The following EPS15 variants were observed in gnomAD, a reference collection of about 807,000 sequenced individuals.
EPS15 encodes the protein epidermal growth factor receptor substrate 15.
EPS15 carries 72 observed loss-of-function variants against 113.8 expected under a neutral mutation model. The ratio of observed to expected loss-of-function variants is 0.63; its 90% CI spans 0.52 to 0.77. The LOEUF (loss-of-function observed/expected upper bound fraction) is 0.77. Ranked by LOEUF, EPS15 falls within the 30% of genes least tolerant of loss-of-function variation. The pLI, the probability that EPS15 is intolerant of heterozygous loss-of-function variation, is 0.00. For synonymous variants in EPS15, 344 were observed against 363.4 expected, an observed-to-expected ratio of 0.95 and a Z score of 0.61; for missense variants, 1,048 against 1,045.8, an observed-to-expected ratio of 1.00 and a Z score of -0.03.
chr1:51,364,129 A>G, intron 22 of EPS15, 101 bp from the exon 23 acceptor site: 1 of 912,690 alleles, frequency 1.1e-6, no homozygotes, highest in Non-Finnish European at 1.5e-6. Flanking sequence ...AGTTTTATTT[A>G]TTTTAATTCT....
intron 21 of EPS15, among the ~76,000 whole-genome samples, chr1:51,384,480 T>C (rs1369465708): frequency 6.6e-6 from 1 of 151,918 alleles, no homozygotes; most frequent in Non-Finnish European, 1.5e-5. Context: ...TTTGCATTTT[T>C]TTGTAGAGAC....
intron 1 of EPS15, among the ~76,000 whole-genome samples, chr1:51,515,950 G>GTAT (rs1001575161): frequency 6.6e-6 from 1 of 151,982 alleles, no homozygotes; most frequent in African/African-American, 2.4e-5. Context: ...GAAGTTAACA[G>GTAT]TATTATTATT....
intron 11 of EPS15, among the ~76,000 whole-genome samples, chr1:51,441,747 T>C (rs536965807): frequency 9.2e-5 from 14 of 152,136 alleles, no homozygotes; most frequent in Non-Finnish European, 1.9e-4. Context: ...AACCCCATCT[T>C]AGAACTGAAG....
At chr1:51,470,363 G>C (rs182848680) in intron 4 of EPS15, among the ~76,000 whole-genome samples, 199 of 152,124 alleles carry the variant, frequency 1.3e-3, no homozygotes, top group African/African-American at 4.5e-3. Flanking sequence ...TAAAAATCTG[G>C]GCCAGGCACG....
chr1:51,451,193 G>C (rs1379950605), intron 8 of EPS15, among the ~76,000 whole-genome samples: 3 of 151,854 alleles, frequency 2.0e-5, no homozygotes, highest in African/African-American at 7.3e-5. Flanking sequence ...TTTGCATTAA[G>C]AAATTCTAAG....
intron 13 of EPS15, among the ~76,000 whole-genome samples, chr1:51,420,306 A>C (rs776672171): frequency 6.6e-6 from 1 of 152,150 alleles, no homozygotes; most frequent in Non-Finnish European, 1.5e-5. Flanking sequence ...TGTAAATTTC[A>C]GCACTCTTCT....
chr1:51,366,496 C>T (rs1646510906), intron 21 of EPS15, among the ~76,000 whole-genome samples: 1 of 152,086 alleles, frequency 6.6e-6, no homozygotes, highest in Non-Finnish European at 1.5e-5. Flanking sequence ...GATAACCCCA[C>T]AAGATGTATT....
intron 2 of EPS15, among the ~76,000 whole-genome samples, chr1:51,479,906 G>T (rs542823501): frequency 6.6e-6 from 1 of 152,322 alleles, no homozygotes; most frequent in South Asian, 2.1e-4. Context: ...TCACTTACCA[G>T]CAGGCTAGGA....
chr1:51,363,556 T>A (rs1161508304), intron 23 of EPS15, among the ~76,000 whole-genome samples: 2 of 152,106 alleles, frequency 1.3e-5, no homozygotes, highest in Non-Finnish European at 2.9e-5. Context: ...TCAATGAGTT[T>A]CCAAAAGGCA....
At chr1:51,476,656 A>G (rs879624717) in intron 2 of EPS15, among the ~76,000 whole-genome samples, 22 of 151,894 alleles carry the variant, frequency 1.4e-4, no homozygotes, top group Non-Finnish European at 2.4e-4. Flanking sequence ...CAGCTCCTGG[A>G]TTCATTGATT....
chr1:51,456,561 T>C (rs746648455), intron 8 of EPS15, among the ~76,000 whole-genome samples: 2 of 152,204 alleles, frequency 1.3e-5, no homozygotes, highest in African/African-American at 2.4e-5. Flanking sequence ...GGACTGATCA[T>C]ATAAATAAGA....
chr1:51,380,616 G>A (rs553864273), intron 21 of EPS15, among the ~76,000 whole-genome samples: 21 of 152,154 alleles, frequency 1.4e-4, no homozygotes, highest in African/African-American at 4.6e-4. Flanking sequence ...AATGAAGACC[G>A]TAATAGAGGA....
rs1486732919 is a variant in EPS15, at chr1:51,356,618, G to A, written c.*82C>T. The A allele has an allele frequency of 3.4e-6, 4 of 1,187,130 alleles. No individual in the cohort carries two copies. Among genetic ancestry groups the A allele is most frequent in the Middle Eastern group, 2.0e-4 (1 of 4,944 alleles). The allele number at this position is 1,187,130 out of a possible 1,614,324, so 73.5% of individuals were successfully genotyped here. A position where few individuals can be genotyped will look rare whatever the true frequency, so the allele number is the denominator to read the frequency against. On this transcript the variant is annotated 3_prime_UTR_variant, in exon 25 of 25. Transcript: ENST00000371733. ...AACCTTTTGTATTCCCATGCTCACA[G>A]GTAGTTTTGATACACATTGTAAATA...
chr1:51,367,210 G>A (rs1295034042), intron 21 of EPS15, among the ~76,000 whole-genome samples: 3 of 152,096 alleles, frequency 2.0e-5, no homozygotes, highest in Non-Finnish European at 2.9e-5. Context: ...AGATAAACAC[G>A]GGGAAGAGAA....
chr1:51,432,334 G>C (rs1651801646), intron 12 of EPS15, among the ~76,000 whole-genome samples: 1 of 149,596 alleles, frequency 6.7e-6, no homozygotes, highest in African/African-American at 2.5e-5. Context: ...ATGTATGTAT[G>C]TATGTATGTA....
chr1:51,402,517 T>C lies in EPS15; in HGVS notation c.1800A>G (p.Pro600=), dbSNP rs1266965140. 2.0e-6 allele frequency: 3 copies of C among 1,497,600 alleles called. No homozygotes were observed. Among genetic ancestry groups the C allele is most frequent in the Admixed American group, 4.0e-5 (2 of 50,542 alleles). 92.8% of individuals were successfully genotyped at this position (1,497,600 alleles called of 1,614,324 possible). A position where few individuals can be genotyped will look rare whatever the true frequency, so the allele number is the denominator to read the frequency against. ...DNNRHSKEED[P]FNVDSSSLTG... ...TCAGCGAACTTGAGTCTACATTAAA[T>C]GGATCTTCCTAAAAATAATTTTAAA... is the stretch of plus-strand genomic sequence containing the variant. The change falls in exon 18 of 25, where the codon CCA becomes CCG. Residue 600 remains proline, a synonymous_variant. Coordinates refer to ENST00000371733, the MANE Select transcript of EPS15 (RefSeq NM_001981.3).
chr1:51,508,983 C>A (rs149900580), intron 1 of EPS15, among the ~76,000 whole-genome samples: 1 of 152,132 alleles, frequency 6.6e-6, no homozygotes, highest in Admixed American at 6.5e-5. Flanking sequence ...TATATTACCA[C>A]CAAAAGTTTC....
At chr1:51,395,393 C>A (rs1024758749) in intron 20 of EPS15, among the ~76,000 whole-genome samples, 1 of 152,140 alleles carries the variant, frequency 6.6e-6, no homozygotes, top group African/African-American at 2.4e-5. Context: ...AATGCACACA[C>A]TATTTTAATT....
chr1:51,422,051 A>C, intron 12 of EPS15, 193 bp from the exon 13 acceptor site: 1 of 1,246,806 alleles, frequency 8.0e-7, no homozygotes, highest in Admixed American at 3.8e-5. Context: ...ATTTGTAAAA[A>C]AAAAATTGCT....
Sources: allele counts gnomAD v4.1 joint callset (sites outside exome capture counted in the v4.1 genomes callset), GRCh38; gene constraint gnomAD v4.1.1; transcripts MANE v1.5; gene names NCBI Gene and HGNC (gene_info 2026-07-23, HGNC 2026-07-21).